SYNE2: variants seen among roughly 807,000 people sequenced by gnomAD.
SYNE2 encodes the protein nesprin-2.
A neutral mutation model predicts 856.3 loss-of-function variants in SYNE2; 431 were observed. The observed-to-expected ratio is 0.50, with a 90% CI of 0.47 to 0.55. The LOEUF (loss-of-function observed/expected upper bound fraction) is 0.55. Ranked by LOEUF, SYNE2 falls within the 20% of genes least tolerant of loss-of-function variation. The probability of loss-of-function intolerance (pLI) is 0.00; values close to 1 mark genes in which losing one functional copy is unlikely to be tolerated. For missense variants in SYNE2, 8,129 were observed against 8,023.2 expected (o/e 1.01, Z -0.50); for synonymous variants, 2,923 against 2,872.3 (o/e 1.02, Z -0.56).
intron 1 of SYNE2, among the ~76,000 whole-genome samples, chr14:63,893,189 A>G (rs1424490744): frequency 6.6e-6 from 1 of 152,132 alleles, no homozygotes; most frequent in Non-Finnish European, 1.5e-5. Context: ...TTCTAGCACT[A>G]AATTCTTTAA....
At chr14:63,901,081 A>C (rs2095331312) in intron 1 of SYNE2, among the ~76,000 whole-genome samples, 1 of 152,218 alleles carries the variant, frequency 6.6e-6, no homozygotes, top group African/African-American at 2.4e-5. Flanking sequence ...TAAAGATAGG[A>C]CAGATGCTTC....
intron 1 of SYNE2, among the ~76,000 whole-genome samples, chr14:63,866,479 A>T (rs907153809): frequency 7.2e-5 from 11 of 152,190 alleles, no homozygotes; most frequent in Non-Finnish European, 1.5e-4. Context: ...CCTCAGCAAC[A>T]CAGCTAGACC....
chr14:63,905,214 A>G (rs1467470912), intron 1 of SYNE2, among the ~76,000 whole-genome samples: 1 of 152,064 alleles, frequency 6.6e-6, no homozygotes, highest in Non-Finnish European at 1.5e-5. Context: ...TACTGTAGCC[A>G]TAGAGTATAT....
At position 63,963,858 on chromosome 14, in the gene SYNE2, C is replaced by G. The variant is rs376474713; in HGVS notation, c.889-41C>G. ...AATTTTTTTGTTAAAAAAACCAAGC[C>G]CGTTTAAAATATAGTTTAATTTTGT... On this transcript the variant is annotated intron_variant, in intron 9 of 115. Coordinates refer to ENST00000555002, the MANE Select transcript of SYNE2 (RefSeq NM_182914.3). 102 of 1,473,124 alleles carry G rather than the reference C, an allele frequency of 6.9e-5. No individual in the cohort carries two copies. In the African/African-American group the frequency reaches 1.4e-3, roughly 20 times the overall value. 91.3% of individuals were successfully genotyped at this position (1,473,124 alleles called of 1,614,324 possible).
chr14:64,090,252 A>G (rs896102793), intron 59 of SYNE2, among the ~76,000 whole-genome samples: 8 of 152,092 alleles, frequency 5.3e-5, no homozygotes, highest in African/African-American at 1.7e-4. Flanking sequence ...TGTGAGCCCA[A>G]TTTCCTCACC....
In SYNE2 at chr14:64,098,072, G is replaced by C. The variant is rs1434469003; in HGVS notation, c.12232G>C (p.Val4078Leu). 1 of 1,614,092 alleles carries C rather than the reference G, an allele frequency of 6.2e-7. No homozygotes were observed. Among genetic ancestry groups the C allele is most frequent in the Non-Finnish European group, 8.5e-7 (1 of 1,180,048 alleles). Residue 4078 changes from valine to leucine, a missense_variant, in exon 62 of 116, where the codon GTA (valine) becomes CTA (leucine). Val to Leu is a conservative substitution (Grantham distance 32, BLOSUM62 1). This residue lies in a region of SYNE2 where 5,410 missense variants were observed against 5,284.8 expected (regional missense o/e 1.02). Transcript: ENST00000555002. ...HQHLKQEQEG[V>L]ERDRLPAVTS... ...GCATTTGAAGCAAGAACAAGAAGGA[G>C]TAGAAAGAGATAGGCTGCCAGCTGT...
At chr14:64,134,333 T>C in intron 78 of SYNE2, 133 bp downstream of exon 78, 1 of 975,166 alleles carries the variant, frequency 1.0e-6, no homozygotes. Flanking sequence ...CACTGTTGAA[T>C]GTATTCAGGG....
chr14:64,152,781 T>C, intron 85 of SYNE2, 65 bp downstream of exon 85: 1 of 1,604,894 alleles, frequency 6.2e-7, no homozygotes, highest in Non-Finnish European at 8.5e-7. Flanking sequence ...TTTGTCGTTG[T>C]AGTTGTTTTC....
chr14:63,783,325 A>G (rs1241809477), intron 1 of SYNE2, among the ~76,000 whole-genome samples: 1 of 152,130 alleles, frequency 6.6e-6, no homozygotes, highest in Non-Finnish European at 1.5e-5. Context: ...ATCTCCAGCC[A>G]TGGGAAACTG....
intron 1 of SYNE2, among the ~76,000 whole-genome samples, chr14:63,802,323 T>G (rs1229414617): frequency 6.6e-6 from 1 of 151,120 alleles, no homozygotes; most frequent in Non-Finnish European, 1.5e-5. Flanking sequence ...GCCAGGCTGG[T>G]CTTGAACTCC....
chr14:64,048,039 C>A lies in SYNE2; in HGVS notation c.7261C>A (p.Leu2421Ile). The A allele has an allele frequency of 6.2e-7, 1 of 1,613,790 alleles. No homozygotes were observed. Among genetic ancestry groups the A allele is most frequent in the South Asian group, 1.1e-5 (1 of 91,064 alleles). Residue 2421 changes from leucine (L) to isoleucine (I), a missense_variant, in exon 46 of 116, where the codon CTT (leucine) becomes ATT (isoleucine). Physicochemically the swap from Leu to Ile is conservative, Grantham distance 5 (BLOSUM62 2). Around this residue, in one of 3 missense-constraint regions of SYNE2, gnomAD observed 5,410 missense variants for 5,284.8 expected, o/e 1.02. Coordinates refer to ENST00000555002, the MANE Select transcript of SYNE2 (RefSeq NM_182914.3). ...VEMAMSKQLS[L>I]NAQESMKNTE... is the part of the protein sequence containing the mutation. Reference sequence around the variant, plus strand: ...AATGGCTATGTCAAAACAACTTTCTCTTAATGCTCAAGAAAGCATGAAAAA... The same window carrying A: ...AATGGCTATGTCAAAACAACTTTCTATTAATGCTCAAGAAAGCATGAAAAA...
chr14:64,079,870 G>A (rs2097504510), intron 55 of SYNE2, among the ~76,000 whole-genome samples: 1 of 152,024 alleles, frequency 6.6e-6, no homozygotes, highest in Admixed American at 6.6e-5. Flanking sequence ...CACTACACCT[G>A]GCTAAGTTTT....
chr14:64,145,631 A>G, intron 83 of SYNE2, among the ~76,000 whole-genome samples: 1 of 152,292 alleles, frequency 6.6e-6, no homozygotes, highest in East Asian at 1.9e-4. Flanking sequence ...TGAGAATCAC[A>G]GACATTAAAG....
At chr14:63,883,401 A>C (rs2094910706) in intron 1 of SYNE2, among the ~76,000 whole-genome samples, 1 of 152,034 alleles carries the variant, frequency 6.6e-6, no homozygotes, top group South Asian at 2.1e-4. Context: ...TCTGTTACCC[A>C]GGCTAGAGTG....
chr14:63,994,056 C>A, intron 22 of SYNE2, 87 bp downstream of exon 22: 1 of 1,402,448 alleles, frequency 7.1e-7, no homozygotes, highest in Non-Finnish European at 1.0e-6. Flanking sequence ...TGGGGTTTTC[C>A]TGTCTACGTT....
chr14:64,169,061 A>G (rs1245054568), intron 93 of SYNE2, 90 bp downstream of exon 93: 23 of 997,970 alleles, frequency 2.3e-5, no homozygotes, highest in Admixed American at 1.4e-4. Flanking sequence ...AACCTTGACC[A>G]TGTTGGTGCC....
intron 112 of SYNE2, among the ~76,000 whole-genome samples, chr14:64,221,999 G>A (rs765917560): frequency 1.3e-5 from 2 of 152,166 alleles, no homozygotes; most frequent in East Asian, 1.9e-4. Context: ...TTTTTCTCTC[G>A]TGAATCCTGC....
chr14:63,828,263 A>G (rs1052695638), intron 1 of SYNE2, among the ~76,000 whole-genome samples: 1 of 152,144 alleles, frequency 6.6e-6, no homozygotes, highest in African/African-American at 2.4e-5. Flanking sequence ...AAAATAATAC[A>G]AATTAAAAAA....
At chr14:64,055,006 A>G (rs1015180839) in intron 48 of SYNE2, among the ~76,000 whole-genome samples, 1 of 152,220 alleles carries the variant, frequency 6.6e-6, no homozygotes, top group African/African-American at 2.4e-5. Context: ...TTCAGGAAAC[A>G]ATGTGCATAA....
Sources: allele counts gnomAD v4.1 joint callset (sites outside exome capture counted in the v4.1 genomes callset), GRCh38; gene constraint gnomAD v4.1.1; regional missense constraint gnomAD v4.1.1; transcripts MANE v1.5; gene names NCBI Gene and HGNC (gene_info 2026-07-23, HGNC 2026-07-21).